Variants in GSG1L observed in about 807,000 individuals in gnomAD.
GSG1L encodes the protein germ cell-specific gene 1-like protein.
GSG1L carries 24 observed loss-of-function variants against 42.1 expected under a neutral mutation model. The ratio of observed to expected loss-of-function variants is 0.57; its 90% CI spans 0.41 to 0.80. GSG1L has a LOEUF of 0.80. Ranked by LOEUF, GSG1L falls within the 30% of genes least tolerant of loss-of-function variation. The probability of loss-of-function intolerance (pLI) is 0.00; values close to 1 mark genes in which losing one functional copy is unlikely to be tolerated. For synonymous variants in GSG1L, 215 were observed against 203.5 expected (o/e 1.06, Z -0.48); for missense variants, 445 against 472.2 (o/e 0.94, Z 0.53).
chr16:27,803,788 T>C (rs774443656), intron 6 of GSG1L, among the ~76,000 whole-genome samples: 6 of 63,652 alleles, frequency 9.4e-5, no homozygotes, highest in African/African-American at 3.7e-4. Flanking sequence ...TATATATATA[T>C]ATATATAGAT....
chr16:28,008,950 A>G (rs1372360034), intron 1 of GSG1L, among the ~76,000 whole-genome samples: 1 of 152,108 alleles, frequency 6.6e-6, no homozygotes. Flanking sequence ...CTGGGATTAC[A>G]GTTACCCGCC....
intron 1 of GSG1L, among the ~76,000 whole-genome samples, chr16:27,967,510 C>T (rs374444812): frequency 2.0e-5 from 3 of 152,134 alleles, no homozygotes; most frequent in Non-Finnish European, 4.4e-5. Context: ...CAGACAAAGA[C>T]GATAAGGCCC....
At chr16:27,924,487 G>T (rs1567520711) in intron 2 of GSG1L, among the ~76,000 whole-genome samples, 1 of 151,876 alleles carries the variant, frequency 6.6e-6, no homozygotes, top group African/African-American at 2.4e-5. Flanking sequence ...TGTGTGTTGA[G>T]TTTTTTTTGG....
At chr16:27,984,311 C>A (rs137938027) in intron 1 of GSG1L, among the ~76,000 whole-genome samples, 1 of 152,040 alleles carries the variant, frequency 6.6e-6, no homozygotes, top group Non-Finnish European at 1.5e-5. Context: ...AGCCAGGAGC[C>A]GAGAGACCAA....
intron 2 of GSG1L, among the ~76,000 whole-genome samples, chr16:27,904,080 G>A (rs1237858194): frequency 6.6e-6 from 1 of 151,988 alleles, no homozygotes; most frequent in Non-Finnish European, 1.5e-5. Flanking sequence ...CTCTCCACCT[G>A]CCCTAAGGTT....
intron 2 of GSG1L, among the ~76,000 whole-genome samples, chr16:27,929,934 T>G (rs1214217492): frequency 6.6e-6 from 1 of 152,078 alleles, no homozygotes; most frequent in African/African-American, 2.4e-5. Context: ...CAGCCCAGAT[T>G]ATACCCTAGA....
chr16:27,844,572 T>A (rs1443773062), intron 4 of GSG1L, among the ~76,000 whole-genome samples: 1 of 152,246 alleles, frequency 6.6e-6, no homozygotes, highest in African/African-American at 2.4e-5. Flanking sequence ...CCGTGGATAA[T>A]ATAAAACAAT....
chr16:28,061,700 T>G (rs910859263), intron 1 of GSG1L, among the ~76,000 whole-genome samples: 2 of 152,072 alleles, frequency 1.3e-5, no homozygotes, highest in African/African-American at 2.4e-5. Context: ...CCAGAAAATG[T>G]CAGGGAGTGC....
At chr16:27,872,083 C>T (rs2083828570) in intron 3 of GSG1L, among the ~76,000 whole-genome samples, 1 of 152,176 alleles carries the variant, frequency 6.6e-6, no homozygotes, top group East Asian at 1.9e-4. Context: ...AGATTTTGGC[C>T]TTCCTCGAAT....
At position 27,935,126 on chromosome 16, in the gene GSG1L, C is replaced by T. The variant is rs139060287; in HGVS notation, c.397+28030G>A. 3.3e-3 allele frequency among the ~76,000 whole-genome samples: 510 copies of T among 152,266 alleles called. 2 individuals carry two copies. Among genetic ancestry groups the T allele is most frequent in the African/African-American group, 0.011 (476 of 41,532 alleles). On this transcript the variant is annotated intron_variant, in intron 2 of 6. Coordinates refer to ENST00000447459, the MANE Select transcript of GSG1L (RefSeq NM_001109763.2). Reference sequence around the variant, plus strand: ...CAGGGAGGTTTCTCCAAGGCGAGGACATTGAGGTGAGACTCGGATGGAGCC... The same window carrying T: ...CAGGGAGGTTTCTCCAAGGCGAGGATATTGAGGTGAGACTCGGATGGAGCC...
At chr16:27,973,439 C>CAAAAAAAAAAAAAAAAAA (rs71140935) in intron 1 of GSG1L, among the ~76,000 whole-genome samples, 1 of 29,848 alleles carries the variant, frequency 3.4e-5, no homozygotes, top group African/African-American at 1.2e-4. Flanking sequence ...GACCCCATCA[C>CAAAAAAAAAAAAAAAAAA]AAAAAAAAAA....
At chr16:27,879,034 C>T (rs1256170342) in intron 3 of GSG1L, among the ~76,000 whole-genome samples, 1 of 149,716 alleles carries the variant, frequency 6.7e-6, no homozygotes, top group Non-Finnish European at 1.5e-5. Flanking sequence ...GATCAGATAT[C>T]AAGGCTGGGG....
chr16:27,789,662 A>G lies in GSG1L; in HGVS notation c.*1708T>C, dbSNP rs886091151. The G allele has an allele frequency of 2.6e-5, 4 of 151,486 alleles. No individual in the cohort carries two copies. Among genetic ancestry groups the G allele is most frequent in the African/African-American group, 4.9e-5 (2 of 41,184 alleles). 9.4% of individuals were successfully genotyped at this position (151,486 alleles called of 1,614,324 possible). On this transcript the variant is annotated 3_prime_UTR_variant, in exon 7 of 7. Transcript: ENST00000447459. ...GGGTGGATGGATGATGAATGGATGG[A>G]TGAAAGCATAGACAATGAATGGATA...
At chr16:27,827,276 C>T (rs867304828) in intron 5 of GSG1L, among the ~76,000 whole-genome samples, 1 of 152,136 alleles carries the variant, frequency 6.6e-6, no homozygotes, top group Non-Finnish European at 1.5e-5. Context: ...GCATAGGGAC[C>T]CCAGGCCAGA....
intron 6 of GSG1L, among the ~76,000 whole-genome samples, chr16:27,793,525 A>G (rs2082778695): frequency 6.6e-6 from 1 of 152,118 alleles, no homozygotes; most frequent in African/African-American, 2.4e-5. Flanking sequence ...TATTTGGTGC[A>G]TGGAAAGGTA....
At chr16:28,046,357 T>C (rs1567568502) in intron 1 of GSG1L, among the ~76,000 whole-genome samples, 1 of 106,846 alleles carries the variant, frequency 9.4e-6, no homozygotes, top group African/African-American at 3.1e-5. Context: ...TTTTTTTTTT[T>C]TTTTTTTTTT....
chr16:27,831,453 C>T lies in GSG1L; in HGVS notation c.663-2497G>A, dbSNP rs372391422. ...CCTTTTTTGCATGAGTTAGTTTTGA[C>T]GTGAATTTCTAGTCTTTATAGCCAA... On this transcript the variant is annotated intron_variant, in intron 4 of 6. Coordinates refer to ENST00000447459, the MANE Select transcript of GSG1L (RefSeq NM_001109763.2). 4.1e-4 allele frequency among the ~76,000 whole-genome samples: 63 copies of T among 152,192 alleles called. 1 individual carries two copies. Among genetic ancestry groups the T allele is most frequent in the African/African-American group, 1.3e-3 (53 of 41,534 alleles).
intron 5 of GSG1L, chr16:27,823,987 G>A (rs2083178552): frequency 1.4e-6 from 1 of 701,164 alleles, no homozygotes; most frequent in Non-Finnish European, 2.6e-6. Flanking sequence ...TCACATCTGA[G>A]GTATTTAGAG....
intron 2 of GSG1L, among the ~76,000 whole-genome samples, chr16:27,897,896 C>T (rs1315150298): frequency 6.6e-6 from 1 of 152,240 alleles, no homozygotes; most frequent in East Asian, 1.9e-4. Context: ...CTGCAAAGCC[C>T]CCATCTAGTT....
Sources: allele counts gnomAD v4.1 joint callset (sites outside exome capture counted in the v4.1 genomes callset), GRCh38; gene constraint gnomAD v4.1.1; transcripts MANE v1.5; gene names NCBI Gene and HGNC (gene_info 2026-07-23, HGNC 2026-07-21).